Variants in LRFN2 observed in about 807,000 individuals in gnomAD.
LRFN2 encodes the protein leucine rich repeat and fibronectin type III domain containing 2, also known as leucine-rich repeat and fibronectin type-III domain-containing protein 2.
In LRFN2, 18 loss-of-function variants were observed where a neutral mutation model predicts 37.3. That is an observed-to-expected ratio of 0.48 (90% confidence interval 0.33 to 0.72). The LOEUF (loss-of-function observed/expected upper bound fraction) is 0.72. Among genes scored for constraint, LRFN2 ranks in the 30% least tolerant of loss-of-function variants. LRFN2 has a pLI of 0.02. For synonymous variants in LRFN2, 556 were observed against 466.6 expected, an observed-to-expected ratio of 1.19 and a Z score of -2.47; for missense variants, 1,006 against 1,060.7, an observed-to-expected ratio of 0.95 and a Z score of 0.72.
chr6:40,568,655 T>A (rs961509798), intron 1 of LRFN2, among the ~76,000 whole-genome samples: 4 of 151,766 alleles, frequency 2.6e-5, no homozygotes, highest in Non-Finnish European at 4.4e-5. Flanking sequence ...TTATTCCCAG[T>A]GTCACTGGGT....
intron 2 of LRFN2, among the ~76,000 whole-genome samples, chr6:40,427,659 T>G (rs573140508): frequency 6.6e-6 from 1 of 152,354 alleles, no homozygotes; most frequent in South Asian, 2.1e-4. Flanking sequence ...GGCTCACAGC[T>G]ACCTACTGAG....
chr6:40,497,697 G>A (rs977560719), intron 1 of LRFN2, among the ~76,000 whole-genome samples: 2 of 152,168 alleles, frequency 1.3e-5, no homozygotes, highest in African/African-American at 2.4e-5. Flanking sequence ...AGGAGGCTCT[G>A]CAGCACAGGT....
Position 40,392,959 on chromosome 6 carries a change from G to C in LRFN2, c.1401-47C>G. The stretch of plus-strand genomic sequence containing the variant: ...AATAGTGAGGGGTGGTGGGGTGGAA[G>C]GACAGGGTGATGGGGAGTGGACAGA... On this transcript the variant is annotated intron_variant, in intron 2 of 2. Transcript: ENST00000338305. This position sits in a 1 kb window ranked among gnomAD's most constrained non-coding sequence, Gnocchi z 4.7. 6.4e-7 allele frequency: 1 copy of C among 1,564,292 alleles called. No individual in the cohort carries two copies. Among genetic ancestry groups the C allele is most frequent in the Non-Finnish European group, 8.7e-7 (1 of 1,153,438 alleles).
intron 2 of LRFN2, among the ~76,000 whole-genome samples, chr6:40,414,333 C>T (rs1477953333): frequency 6.6e-6 from 1 of 152,080 alleles, no homozygotes; most frequent in African/African-American, 2.4e-5. Flanking sequence ...CTTCAAATTC[C>T]AGCTGGGACA....
chr6:40,438,990 G>A (rs1036081631), intron 1 of LRFN2, among the ~76,000 whole-genome samples: 2 of 152,126 alleles, frequency 1.3e-5, no homozygotes, highest in African/African-American at 4.8e-5. Flanking sequence ...GAACATGGTG[G>A]CAGAAAAGGA....
At chr6:40,531,433 G>A (rs11962909) in intron 1 of LRFN2, among the ~76,000 whole-genome samples, 2,378 of 152,200 alleles carry the variant, frequency 0.016, 19 homozygotes, top group Non-Finnish European at 0.021. Flanking sequence ...ACATCTTGCC[G>A]GGGCATATGT....
At chr6:40,582,085 C>T (rs1372173684) in intron 1 of LRFN2, among the ~76,000 whole-genome samples, 2 of 152,106 alleles carry the variant, frequency 1.3e-5, no homozygotes, top group Non-Finnish European at 1.5e-5. Context: ...CTTTGCATCC[C>T]CAGGAAGTTT....
chr6:40,441,324 G>T (rs1763830043), intron 1 of LRFN2, among the ~76,000 whole-genome samples: 1 of 152,144 alleles, frequency 6.6e-6, no homozygotes, highest in South Asian at 2.1e-4. Context: ...TGAATGGAGA[G>T]GTGTGTGTGT....
chr6:40,564,157 GTCTTAGGTCTGGCCCCTATA>G (rs1419029231), intron 1 of LRFN2, among the ~76,000 whole-genome samples: 4 of 152,282 alleles, frequency 2.6e-5, no homozygotes, highest in Non-Finnish European at 4.4e-5. Context: ...GTTCAGCTGA[GTCTTAGGTCTGGCCCCTATA>G]TTAGCCATCT....
At chr6:40,490,884 T>A (rs1367041915) in intron 1 of LRFN2, among the ~76,000 whole-genome samples, 1 of 152,212 alleles carries the variant, frequency 6.6e-6, no homozygotes, top group Non-Finnish European at 1.5e-5. Context: ...TCGATCTGGC[T>A]GACTTCTCTT....
In LRFN2 at chr6:40,398,269, G is replaced by A. The variant is rs554411036; in HGVS notation, c.1401-5357C>T. On this transcript the variant is annotated intron_variant, in intron 2 of 2. Coordinates refer to ENST00000338305, the MANE Select transcript of LRFN2 (RefSeq NM_020737.3). ...AAAATGTCTCCAAGCATTGCCCAAT[G>A]TCCTCTGGGGGCAAAGTCACCCTCC... 6.0e-4 allele frequency among the ~76,000 whole-genome samples: 91 copies of A among 152,028 alleles called. 1 individual carries two copies. Among genetic ancestry groups the A allele is most frequent in the Admixed American group, 9.8e-4 (15 of 15,274 alleles).
At chr6:40,529,694 C>T (rs553183171) in intron 1 of LRFN2, among the ~76,000 whole-genome samples, 5 of 152,180 alleles carry the variant, frequency 3.3e-5, no homozygotes, top group Non-Finnish European at 7.3e-5. Flanking sequence ...CAAATCCCAG[C>T]TCTGTTGCTT....
chr6:40,578,533 G>C (rs1211834808), intron 1 of LRFN2, among the ~76,000 whole-genome samples: 1 of 152,174 alleles, frequency 6.6e-6, no homozygotes, highest in Non-Finnish European at 1.5e-5. Flanking sequence ...AGGGACAAAT[G>C]AGATCATGTG....
Position 40,397,889 on chromosome 6 carries a change from T to C in LRFN2, c.1401-4977A>G, listed in dbSNP as rs540104351. On this transcript the variant is annotated intron_variant, in intron 2 of 2. Coordinates refer to ENST00000338305, the MANE Select transcript of LRFN2 (RefSeq NM_020737.3). ...TGGATGCCGGCCCATGGACTGTTTG[T>C]TCCTGTTCCATGATCAGACACTACA... Among the ~76,000 whole-genome samples, 9 of 151,656 alleles carry C rather than the reference T, an allele frequency of 5.9e-5. No individual in the cohort carries two copies. In the South Asian group the frequency reaches 1.9e-3, roughly 32 times the overall value.
intron 1 of LRFN2, among the ~76,000 whole-genome samples, chr6:40,459,124 T>C (rs183497932): frequency 1.0e-3 from 159 of 152,266 alleles, no homozygotes; most frequent in African/African-American, 3.6e-3. Context: ...GGGCTAAAGA[T>C]CTCTACCTTC....
At chr6:40,411,620 C>T (rs1464232482) in intron 2 of LRFN2, among the ~76,000 whole-genome samples, 1 of 152,164 alleles carries the variant, frequency 6.6e-6, no homozygotes, top group African/African-American at 2.4e-5. Flanking sequence ...CGTTGCTCCT[C>T]AGAAACACTC....
chr6:40,443,907 A>G (rs1423008754), intron 1 of LRFN2, among the ~76,000 whole-genome samples: 1 of 152,174 alleles, frequency 6.6e-6, no homozygotes, highest in African/African-American at 2.4e-5. Flanking sequence ...CCATGGGAGA[A>G]GAGTTGTCCA....
At chr6:40,501,230 C>A (rs1180696645) in intron 1 of LRFN2, among the ~76,000 whole-genome samples, 1 of 151,512 alleles carries the variant, frequency 6.6e-6, no homozygotes, top group Non-Finnish European at 1.5e-5. Context: ...TGGAAAAAAG[C>A]ACAAAATGTT....
At chr6:40,412,158 G>C (rs553647482) in intron 2 of LRFN2, among the ~76,000 whole-genome samples, 1 of 152,192 alleles carries the variant, frequency 6.6e-6, no homozygotes, top group African/African-American at 2.4e-5. Context: ...AGTGAAGACT[G>C]CGTGAGTGAT....
Sources: allele counts gnomAD v4.1 joint callset (sites outside exome capture counted in the v4.1 genomes callset), GRCh38; gene constraint gnomAD v4.1.1; non-coding constraint Gnocchi (gnomAD v3.1); transcripts MANE v1.5; gene names NCBI Gene and HGNC (gene_info 2026-07-23, HGNC 2026-07-21).